HMGCLL1: variants seen among roughly 807,000 people sequenced by gnomAD.
The protein encoded by HMGCLL1 is 3-hydroxy-3-methylglutaryl-CoA lyase like 1.
HMGCLL1 carries 36 observed loss-of-function variants against 39.1 expected under a neutral mutation model. The ratio of observed to expected loss-of-function variants is 0.92; its 90% CI spans 0.71 to 1.22. HMGCLL1 has a LOEUF of 1.22. Ranked by LOEUF, HMGCLL1 falls within the 50% of genes most tolerant of loss-of-function variation. The pLI is 0.00. For missense variants in HMGCLL1, 451 were observed against 416.5 expected, an observed-to-expected ratio of 1.08 and a Z score of -0.72; for synonymous variants, 149 against 144.0, an observed-to-expected ratio of 1.03 and a Z score of -0.25.
chr6:55,674,208 T>C, the HMGCLL1 span, among the ~76,000 whole-genome samples: 5 of 151,908 alleles, frequency 3.3e-5, no homozygotes, highest in Non-Finnish European at 7.4e-5. Flanking sequence ...AGGGAATCAA[T>C]AGAATATGGT....
chr6:55,619,761 C>T, the HMGCLL1 span, among the ~76,000 whole-genome samples: 2 of 152,028 alleles, frequency 1.3e-5, no homozygotes, highest in Non-Finnish European at 2.9e-5. Flanking sequence ...TCTCCAGTCA[C>T]TCTGTTGTGC....
intron 3 of HMGCLL1, among the ~76,000 whole-genome samples, chr6:55,522,723 A>G (rs748274820): frequency 6.6e-6 from 1 of 151,986 alleles, no homozygotes; most frequent in Admixed American, 6.6e-5. Flanking sequence ...TGTCATTTCT[A>G]TGTTTACTAT....
At chr6:55,594,212 T>C in the HMGCLL1 span, among the ~76,000 whole-genome samples, 1 of 152,202 alleles carries the variant, frequency 6.6e-6, no homozygotes, top group South Asian at 2.1e-4. Flanking sequence ...GAATTATTCC[T>C]TAAACAGTTG....
the HMGCLL1 span, among the ~76,000 whole-genome samples, chr6:55,612,505 C>T: frequency 6.6e-6 from 1 of 152,050 alleles, no homozygotes; most frequent in African/African-American, 2.4e-5. Flanking sequence ...CAATCCTAAG[C>T]AAAAGGAACA....
At chr6:55,561,769 T>C (rs1014324936) in intron 1 of HMGCLL1, among the ~76,000 whole-genome samples, 12 of 152,160 alleles carry the variant, frequency 7.9e-5, no homozygotes, top group Non-Finnish European at 1.8e-4. Flanking sequence ...CCATTCTAAT[T>C]CCATAGTTTG....
In HMGCLL1 at chr6:55,535,736, A is replaced by C. The variant is rs114902708; in HGVS notation, c.297+5993T>G. On this transcript the variant is annotated intron_variant, in intron 3 of 8. Coordinates refer to ENST00000274901, the MANE Select transcript of HMGCLL1 (RefSeq NM_001042406.2). ...CCTCTTTGGGAAGGTGACAGAGGCCAACTCATCTGGATAATAATGGATGAG... is the reference window on the plus strand; with the variant it reads ...CCTCTTTGGGAAGGTGACAGAGGCCCACTCATCTGGATAATAATGGATGAG... 5.1e-3 allele frequency among the ~76,000 whole-genome samples: 784 copies of C among 152,284 alleles called. 11 individuals are homozygous for C. The highest frequency in any genetic ancestry group is 0.018 in the African/African-American group (742 of 41,548).
At chr6:55,552,943 A>G (rs1001535478) in intron 1 of HMGCLL1, among the ~76,000 whole-genome samples, 13 of 151,818 alleles carry the variant, frequency 8.6e-5, no homozygotes, top group Non-Finnish European at 1.9e-4. Context: ...AGAGTTCAAG[A>G]CCAGCCTGGC....
At chr6:55,655,356 T>A in the HMGCLL1 span, among the ~76,000 whole-genome samples, 1 of 151,464 alleles carries the variant, frequency 6.6e-6, no homozygotes, top group Non-Finnish European at 1.5e-5. Context: ...CCTGTTACAA[T>A]TATACAGAAC....
upstream of HMGCLL1, among the ~76,000 whole-genome samples, chr6:55,583,562 A>G (rs369621694): frequency 6.6e-6 from 1 of 152,092 alleles, no homozygotes; most frequent in Non-Finnish European, 1.5e-5. Context: ...TCCATGGTGT[A>G]TATGTGCCAC....
the HMGCLL1 span, among the ~76,000 whole-genome samples, chr6:55,633,417 G>T: frequency 6.6e-6 from 1 of 151,518 alleles, no homozygotes. Context: ...ATTTCATATA[G>T]ATAAATTAGC....
intron 1 of HMGCLL1, among the ~76,000 whole-genome samples, chr6:55,553,993 A>G (rs1334963315): frequency 6.6e-6 from 1 of 151,856 alleles, no homozygotes; most frequent in African/African-American, 2.4e-5. Context: ...CATCAACTCC[A>G]CCCATCCTGT....
chr6:55,482,840 C>G (rs545672520), intron 7 of HMGCLL1, among the ~76,000 whole-genome samples: 30 of 151,844 alleles, frequency 2.0e-4, no homozygotes, highest in Non-Finnish European at 4.4e-5. Flanking sequence ...AGGTTCCCCC[C>G]CAAGAAATTT....
At chr6:55,477,473 T>C (rs1222486103) in intron 7 of HMGCLL1, among the ~76,000 whole-genome samples, 1 of 72,396 alleles carries the variant, frequency 1.4e-5, no homozygotes, top group Non-Finnish European at 2.7e-5. Flanking sequence ...ATATATAATA[T>C]ATATATTATA....
the HMGCLL1 span, among the ~76,000 whole-genome samples, chr6:55,647,352 G>A: frequency 2.6e-5 from 4 of 151,704 alleles, no homozygotes; most frequent in East Asian, 3.9e-4. Flanking sequence ...ATCCATTCAG[G>A]CACTCTATGT....
Position 55,474,656 on chromosome 6 carries a change from A to AT in HMGCLL1, c.795+20762dup, listed in dbSNP as rs748282679. Among the ~76,000 whole-genome samples the AT allele has an allele frequency of 3.3e-5, 5 of 151,306 alleles. No homozygotes were observed. In the South Asian group the frequency reaches 8.3e-4, roughly 25 times the overall value. ...GGGTTGCTTTGTCTCTTCAGGCTGT[A>AT]TTTTTTATTGGCTTTTCATCTGCCT... is the stretch of plus-strand genomic sequence containing the variant. On this transcript the variant is annotated intron_variant, in intron 7 of 8. Transcript: ENST00000274901.
intron 1 of HMGCLL1, among the ~76,000 whole-genome samples, chr6:55,558,605 T>C (rs775111818): frequency 6.6e-6 from 1 of 152,108 alleles, no homozygotes; most frequent in Non-Finnish European, 1.5e-5. Flanking sequence ...CTAGATCTCA[T>C]AGTCCTTCCA....
At chr6:55,637,218 GCA>G in the HMGCLL1 span, among the ~76,000 whole-genome samples, 4 of 152,108 alleles carry the variant, frequency 2.6e-5, no homozygotes, top group East Asian at 3.9e-4. Flanking sequence ...TCATAAATCG[GCA>G]CAGTCTCCAT....
In HMGCLL1 at chr6:55,505,408, C is replaced by T. The variant is rs555456097; in HGVS notation, c.543-6109G>A. Among the ~76,000 whole-genome samples, 79 of 151,738 alleles carry T rather than the reference C, an allele frequency of 5.2e-4. 3 individuals carry two copies. In the South Asian group the frequency reaches 0.016, roughly 31 times the overall value. ...GAATTAAGATCTATAAACATAGGAG[C>T]TACTTTGCTACATTCATGTGGAATA... On this transcript the variant is annotated intron_variant, in intron 5 of 8. Coordinates refer to ENST00000274901, the MANE Select transcript of HMGCLL1 (RefSeq NM_001042406.2).
At chr6:55,657,036 A>T in the HMGCLL1 span, among the ~76,000 whole-genome samples, 2 of 151,844 alleles carry the variant, frequency 1.3e-5, no homozygotes, top group Non-Finnish European at 2.9e-5. Context: ...CCACTTTTTT[A>T]TGGGGGTTTT....
Sources: gnomAD v4.1 joint callset for allele counts (sites outside exome capture counted in the v4.1 genomes callset) on GRCh38, gnomAD v4.1.1 for gene constraint, MANE v1.5 for transcripts, NCBI Gene and HGNC (gene_info 2026-07-23, HGNC 2026-07-21) for gene names.